ZNF26: variants seen among roughly 807,000 people sequenced by gnomAD.
The protein encoded by ZNF26 is zinc finger protein 26.
Under a neutral mutation model 54.9 loss-of-function variants are expected in ZNF26, and 32 were observed. That is an observed-to-expected ratio of 0.58 (90% CI 0.44 to 0.78). The LOEUF is 0.78. Ranked by LOEUF, ZNF26 falls within the 30% of genes least tolerant of loss-of-function variation. ZNF26 has a pLI of 0.00. For missense variants in ZNF26, 524 were observed against 634.0 expected (o/e 0.83, Z 1.86); for synonymous variants, 221 against 209.2 (o/e 1.06, Z -0.49).
chr12:133,001,784 TC>T lies in ZNF26; in HGVS notation c.34-5254del. On this transcript the variant is annotated intron_variant, in intron 1 of 3. Transcript: ENST00000328654. This position sits in a 1 kb window ranked among gnomAD's most constrained non-coding sequence, Gnocchi z 4.7. ...TTGAGGTGAGCTGCTGAACCCTCAC[TC>T]CCCAGCTGCCTTTTGAGAGTCCCGC... 9.2e-7 allele frequency: 1 copy of T among 1,082,886 alleles called. No individual in the cohort carries two copies. Among genetic ancestry groups the T allele is most frequent in the African/African-American group, 1.6e-5 (1 of 61,798 alleles). The allele number at this position is 1,082,886 out of a possible 1,614,324, so 67.1% of individuals were successfully genotyped here.
rs771703487 is a variant in ZNF26 at position 133,000,456 on chromosome 12, G to A, written c.34-6586G>A. ...TTTTTTTTTTTTGAGATGGAATCTC[G>A]CTCTGTCACCCAGGCTGGAGTGCAG... On this transcript the variant is annotated intron_variant, in intron 1 of 3. Transcript: ENST00000328654. 7.8e-3 allele frequency among the ~76,000 whole-genome samples: 939 copies of A among 120,304 alleles called. 8 individuals carry two copies. Among genetic ancestry groups the A allele is most frequent in the South Asian group, 0.015 (56 of 3,752 alleles). 78.9% of individuals were successfully genotyped at this position (120,304 alleles called of 152,430 possible).
Position 133,015,695 on chromosome 12 carries a change from G to A in ZNF26, c.*4214G>A, listed in dbSNP as rs1423085199. On this transcript the variant is annotated 3_prime_UTR_variant, in exon 4 of 4. Transcript: ENST00000328654. ...TATAATAATAATACAGAAGACAAAT[G>A]TCAATGTTGCTGAAAAGCCAAAAGA... 6.6e-6 allele frequency: 1 copy of A among 152,158 alleles called. No individual in the cohort carries two copies. The highest frequency in any genetic ancestry group is 1.5e-5 in the Non-Finnish European group (1 of 68,044). 9.4% of individuals were successfully genotyped at this position (152,158 alleles called of 1,614,324 possible). A position where few individuals can be genotyped will look rare whatever the true frequency, so the allele number is the denominator to read the frequency against.
Position 133,003,874 on chromosome 12 carries a change from G to A in ZNF26, c.34-3168G>A, listed in dbSNP as rs927301770. Among the ~76,000 whole-genome samples the A allele has an allele frequency of 2.8e-3, 433 of 152,206 alleles. 2 individuals carry two copies. Among genetic ancestry groups the A allele is most frequent in the African/African-American group, 9.9e-3 (409 of 41,486 alleles). ...AAGAGGAGTCTGTTGGCTGTAGTGA[G>A]ACCGTCATGCTACTTGGGATGTATA... On this transcript the variant is annotated intron_variant, in intron 1 of 3. Transcript: ENST00000328654.
At position 133,020,691 on chromosome 12, in the gene ZNF26, GC is replaced by G. The variant is rs1199185719; in HGVS notation, c.*9211del. On this transcript the variant is annotated 3_prime_UTR_variant, in exon 4 of 4. Transcript: ENST00000328654. ...GTAACAAAGAACCACAAACTGGATG[GC>G]TTAAACAACACAGATATATTGTCTT... The G allele has an allele frequency of 6.6e-6, 1 of 152,096 alleles. No individual in the cohort carries two copies. Among genetic ancestry groups the G allele is most frequent in the Admixed American group, 6.5e-5 (1 of 15,274 alleles). The allele number at this position is 152,096 out of a possible 1,614,324, so 9.4% of individuals were successfully genotyped here.
At chr12:133,008,775 C>CAAAA (rs57200465) in intron 3 of ZNF26, among the ~76,000 whole-genome samples, 16 of 61,378 alleles carry the variant, frequency 2.6e-4, no homozygotes, top group South Asian at 5.5e-4. Context: ...GACTCCATCT[C>CAAAA]AAAAAAAAAA....
In ZNF26 at chr12:133,016,566, C is replaced by T. The variant is rs1463598803; in HGVS notation, c.*5085C>T. Reference sequence around the variant, plus strand: ...AACACTTTGGGAGGCAGGAGGATCACTTGAGCTCAGGAATTTGAGACCAGT... The same window carrying T: ...AACACTTTGGGAGGCAGGAGGATCATTTGAGCTCAGGAATTTGAGACCAGT... On this transcript the variant is annotated 3_prime_UTR_variant, in exon 4 of 4. Coordinates refer to ENST00000328654, the MANE Select transcript of ZNF26 (RefSeq NM_019591.4). 2.0e-5 allele frequency: 3 copies of T among 151,404 alleles called. No homozygotes were observed. The highest frequency in any genetic ancestry group is 7.3e-5 in the African/African-American group (3 of 41,134). The allele number at this position is 151,404 out of a possible 1,614,324, so 9.4% of individuals were successfully genotyped here. A position where few individuals can be genotyped will look rare whatever the true frequency, so the allele number is the denominator to read the frequency against.
chr12:132,996,304 G>A (rs1566255625), intron 1 of ZNF26, among the ~76,000 whole-genome samples: 2 of 152,152 alleles, frequency 1.3e-5, no homozygotes, highest in Non-Finnish European at 1.5e-5. Context: ...TGTCTGGGCC[G>A]AGCCCTTCCT....
chr12:133,016,316 AC>A lies in ZNF26; in HGVS notation c.*4838del, dbSNP rs1953565704. 1.3e-5 allele frequency: 2 copies of A among 149,116 alleles called. No homozygotes were observed. The allele number at this position is 149,116 out of a possible 1,614,324, so 9.2% of individuals were successfully genotyped here. Reference sequence around the variant, plus strand: ...TCAAACTCCTGACCTCAGGTGATCCACCCGCCTTGGCCTCCCAAAGTGCTAG... The same window carrying A: ...TCAAACTCCTGACCTCAGGTGATCCACCGCCTTGGCCTCCCAAAGTGCTAG... On this transcript the variant is annotated 3_prime_UTR_variant, in exon 4 of 4. Transcript: ENST00000328654.
Position 133,007,532 on chromosome 12 carries a change from G to C in ZNF26, c.256G>C (p.Asp86His). The C allele has an allele frequency of 1.2e-6, 2 of 1,610,590 alleles. No homozygotes were observed. Among genetic ancestry groups the C allele is most frequent in the East Asian group, 4.5e-5 (2 of 44,868 alleles). ...NAKISRQSCP[D>H]GWEEWYQNNQ... is the part of the protein sequence containing the mutation. ...CAAAATTTCCAGGCAGAGCTGTCCA[G>C]GTGGGTGAGTGAGAAAGAGGAAGGT... Residue 86 changes from aspartate to histidine, a missense_variant and splice_region_variant, in exon 3 of 4, where the codon GAT becomes CAT. Physicochemically the swap from Asp to His is moderately conservative, Grantham distance 81. Coordinates refer to ENST00000328654, the MANE Select transcript of ZNF26 (RefSeq NM_019591.4).
rs1213683786 is a variant in ZNF26, at chr12:133,019,955, G to T, written c.*8474G>T. ...TACTAAAAATACAAAAGTTAGCGGG[G>T]TGTGGTGGCAGACACCTGTAGTCCC... On this transcript the variant is annotated 3_prime_UTR_variant, in exon 4 of 4. Transcript: ENST00000328654. 1 of 152,206 alleles carries T rather than the reference G, an allele frequency of 6.6e-6. No homozygotes were observed. The allele number at this position is 152,206 out of a possible 1,614,324, so 9.4% of individuals were successfully genotyped here. A position where few individuals can be genotyped will look rare whatever the true frequency, so the allele number is the denominator to read the frequency against.
At chr12:133,000,874 C>G (rs996068578) in intron 1 of ZNF26, among the ~76,000 whole-genome samples, 37 of 152,176 alleles carry the variant, frequency 2.4e-4, no homozygotes, top group African/African-American at 7.2e-4. Context: ...TCATTCGTAT[C>G]AAGCTTAAAG....
chr12:133,008,767 C>T (rs1368764894), intron 3 of ZNF26, among the ~76,000 whole-genome samples: 8 of 137,028 alleles, frequency 5.8e-5, no homozygotes, highest in Admixed American at 2.9e-4. Flanking sequence ...CAGAGCGAGA[C>T]TCCATCTCAA....
chr12:133,006,055 A>G (rs1237913027), intron 1 of ZNF26: 1 of 984,176 alleles, frequency 1.0e-6, no homozygotes, highest in Non-Finnish European at 1.2e-6. Context: ...CTTTCATAAT[A>G]GATTTGCCAG....
rs1953653167 is a variant in ZNF26, at chr12:133,022,221, C to CA, written c.*10746dup. On this transcript the variant is annotated 3_prime_UTR_variant, in exon 4 of 4. Coordinates refer to ENST00000328654, the MANE Select transcript of ZNF26 (RefSeq NM_019591.4). ...TGACAGAGTGAGACCCTGTCACACA[C>CA]AAAAAATTAAAGTCATTAAAAAGAA... The CA allele has an allele frequency of 4.6e-5, 7 of 151,594 alleles. No individual in the cohort carries two copies. Among genetic ancestry groups the CA allele is most frequent in the Non-Finnish European group, 2.9e-5 (2 of 67,900 alleles). 9.4% of individuals were successfully genotyped at this position (151,594 alleles called of 1,614,324 possible). A position where few individuals can be genotyped will look rare whatever the true frequency, so the allele number is the denominator to read the frequency against.
At position 133,016,626 on chromosome 12, in the gene ZNF26, A is replaced by T. The variant is rs1953570148; in HGVS notation, c.*5145A>T. 6.6e-6 allele frequency: 1 copy of T among 151,648 alleles called. No individual in the cohort carries two copies. Among genetic ancestry groups the T allele is most frequent in the East Asian group, 1.9e-4 (1 of 5,134 alleles). 9.4% of individuals were successfully genotyped at this position (151,648 alleles called of 1,614,324 possible). On this transcript the variant is annotated 3_prime_UTR_variant, in exon 4 of 4. Transcript: ENST00000328654. ...AAAGCAAAACCCCATCTCTGAAAAAAAAAAAATACCCCGGGATGGTGGCTT... is the reference window on the plus strand; with the variant it reads ...AAAGCAAAACCCCATCTCTGAAAAATAAAAAATACCCCGGGATGGTGGCTT...
rs2137287107 is a variant in ZNF26, at chr12:133,023,649, T to C, written c.*12168T>C. 5.5e-5 allele frequency: 1 copy of C among 18,084 alleles called. No individual in the cohort carries two copies. The highest frequency in any genetic ancestry group is 1.2e-3 in the Admixed American group (1 of 802). 1.1% of individuals were successfully genotyped at this position (18,084 alleles called of 1,614,324 possible). On this transcript the variant is annotated 3_prime_UTR_variant, in exon 4 of 4. Transcript: ENST00000328654. Reference sequence around the variant, plus strand: ...TATTTTCTGAAGTGGGCTATGACAGTAGCTTCCATCTCATCTCCTCTTCTA... The same window carrying C: ...TATTTTCTGAAGTGGGCTATGACAGCAGCTTCCATCTCATCTCCTCTTCTA...
intron 3 of ZNF26, among the ~76,000 whole-genome samples, chr12:133,008,644 C>T (rs1033315624): frequency 1.1e-4 from 17 of 151,810 alleles, no homozygotes; most frequent in Admixed American, 2.6e-4. Context: ...GGTGTGGTGG[C>T]GGGCGCCTGT....
chr12:133,016,319 C>A lies in ZNF26; in HGVS notation c.*4838C>A, dbSNP rs1288675288. 2.0e-5 allele frequency: 3 copies of A among 151,656 alleles called. No homozygotes were observed. Among genetic ancestry groups the A allele is most frequent in the African/African-American group, 7.3e-5 (3 of 41,312 alleles). 9.4% of individuals were successfully genotyped at this position (151,656 alleles called of 1,614,324 possible). On this transcript the variant is annotated 3_prime_UTR_variant, in exon 4 of 4. Transcript: ENST00000328654. Reference sequence around the variant, plus strand: ...AACTCCTGACCTCAGGTGATCCACCCGCCTTGGCCTCCCAAAGTGCTAGGA... The same window carrying A: ...AACTCCTGACCTCAGGTGATCCACCAGCCTTGGCCTCCCAAAGTGCTAGGA...
chr12:132,988,569 A>C (rs958150194), intron 1 of ZNF26, among the ~76,000 whole-genome samples: 1 of 152,160 alleles, frequency 6.6e-6, no homozygotes. Context: ...AGTCAGGTTC[A>C]TTCTCCCAAA....
Sources: gnomAD v4.1 joint callset for allele counts (sites outside exome capture counted in the v4.1 genomes callset) on GRCh38, gnomAD v4.1.1 for gene constraint, Gnocchi (gnomAD v3.1) non-coding constraint, MANE v1.5 for transcripts, NCBI Gene and HGNC (gene_info 2026-07-23, HGNC 2026-07-21) for gene names.